PRKG1: variants seen among roughly 807,000 people sequenced by gnomAD.
PRKG1 encodes the protein protein kinase cGMP-dependent 1, also known as cGMP-dependent protein kinase 1.
In PRKG1, 35 loss-of-function variants were observed where a neutral mutation model predicts 88.1. The observed-to-expected ratio is 0.40, with a 90% CI of 0.30 to 0.53. PRKG1 has a LOEUF of 0.53. Among genes scored for constraint, PRKG1 ranks in the 20% least tolerant of loss-of-function variants. The pLI, the probability that PRKG1 is intolerant of heterozygous loss-of-function variation, is 0.59. For missense variants in PRKG1, 540 were observed against 839.8 expected (o/e 0.64, Z 4.41); for synonymous variants, 303 against 292.5 (o/e 1.04, Z -0.37).
chr10:51,151,558 T>C (rs1160021906), intron 1 of PRKG1, among the ~76,000 whole-genome samples: 1 of 101,156 alleles, frequency 9.9e-6, no homozygotes. Context: ...AAAACCTATG[T>C]TTTTGTTTTT....
chr10:51,792,217 A>T (rs1040610759), intron 3 of PRKG1, among the ~76,000 whole-genome samples: 1 of 152,060 alleles, frequency 6.6e-6, no homozygotes, highest in Non-Finnish European at 1.5e-5. Flanking sequence ...TTTTATCTTC[A>T]TAACTCTATT....
chr10:51,799,017 C>T (rs1839093218), intron 3 of PRKG1, among the ~76,000 whole-genome samples: 1 of 152,022 alleles, frequency 6.6e-6, no homozygotes, highest in South Asian at 2.1e-4. Flanking sequence ...TCAAATTCAT[C>T]TACCTCTCTA....
intron 1 of PRKG1, among the ~76,000 whole-genome samples, chr10:51,025,542 C>T (rs1445055066): frequency 6.6e-6 from 1 of 152,180 alleles, no homozygotes; most frequent in Non-Finnish European, 1.5e-5. Context: ...CATTTCTCCT[C>T]CCATTGGCTG....
Position 51,555,317 on chromosome 10 carries a change from T to C in PRKG1, c.592+87481T>C, listed in dbSNP as rs369858948. ...ACAACACATTCCTATTTTTAAAACA[T>C]TTTTTGGCATTTTGTATTTTTTCAT... is the stretch of plus-strand genomic sequence containing the variant. On this transcript the variant is annotated intron_variant, in intron 3 of 17. Transcript: ENST00000373980. Among the ~76,000 whole-genome samples, 14 of 152,058 alleles carry C rather than the reference T, an allele frequency of 9.2e-5. No individual in the cohort carries two copies. The South Asian group carries it at 1.7e-3, about 18-fold the overall frequency.
intron 9 of PRKG1, among the ~76,000 whole-genome samples, chr10:52,245,921 A>G (rs1277110243): frequency 6.6e-6 from 1 of 152,086 alleles, no homozygotes; most frequent in Non-Finnish European, 1.5e-5. Context: ...CCCATCTGGA[A>G]CTATAGTTAT....
chr10:51,053,033 C>CT, intron 1 of PRKG1, among the ~76,000 whole-genome samples: 1 of 152,168 alleles, frequency 6.6e-6, no homozygotes, highest in South Asian at 2.1e-4. Flanking sequence ...ATTTCTAGAC[C>CT]AGCCTGGCCA....
At chr10:51,885,515 G>A (rs971887351) in intron 4 of PRKG1, among the ~76,000 whole-genome samples, 1 of 152,144 alleles carries the variant, frequency 6.6e-6, no homozygotes, top group African/African-American at 2.4e-5. Context: ...CTCTGTTCTA[G>A]CTCCAATCCA....
At chr10:51,006,085 G>A (rs576297228) in intron 1 of PRKG1, among the ~76,000 whole-genome samples, 1 of 152,326 alleles carries the variant, frequency 6.6e-6, no homozygotes, top group South Asian at 2.1e-4. Context: ...CCCCATGTCA[G>A]TGTTAAGCCT....
At chr10:52,053,445 T>C (rs1335838033) in intron 5 of PRKG1, among the ~76,000 whole-genome samples, 1 of 152,164 alleles carries the variant, frequency 6.6e-6, no homozygotes, top group African/African-American at 2.4e-5. Context: ...CAACCATCAG[T>C]CTAATGGATA....
chr10:51,993,019 A>G (rs1844351643), intron 5 of PRKG1, among the ~76,000 whole-genome samples: 2 of 152,194 alleles, frequency 1.3e-5, no homozygotes. Flanking sequence ...AGAGAATCAA[A>G]TTGAAGGCAT....
At chr10:51,094,822 T>C (rs937058853) in intron 1 of PRKG1, among the ~76,000 whole-genome samples, 5 of 152,204 alleles carry the variant, frequency 3.3e-5, no homozygotes, top group African/African-American at 1.2e-4. Context: ...TAAGGGTTTA[T>C]AGACCTTACA....
At position 52,156,696 on chromosome 10, in the gene PRKG1, C is replaced by T. The variant is rs556755907; in HGVS notation, c.1002-5193C>T. Among the ~76,000 whole-genome samples, 199 of 151,754 alleles carry T rather than the reference C, an allele frequency of 1.3e-3. 1 individual carries two copies. Among genetic ancestry groups the T allele is most frequent in the African/African-American group, 4.7e-3 (193 of 41,480 alleles). On this transcript the variant is annotated intron_variant, in intron 8 of 17. Coordinates refer to ENST00000373980, the MANE Select transcript of PRKG1 (RefSeq NM_006258.4). ...TATAAATAAAATAAACAAAAAATAA[C>T]AAACATAAGAACACTTGAAGCCACA...
chr10:51,830,697 G>A (rs1452285369), intron 4 of PRKG1, among the ~76,000 whole-genome samples: 1 of 151,494 alleles, frequency 6.6e-6, no homozygotes, highest in Non-Finnish European at 1.5e-5. Context: ...GAGTAGCTGG[G>A]ATTACAGGTG....
At chr10:52,109,532 C>T (rs989847665) in intron 7 of PRKG1, among the ~76,000 whole-genome samples, 8 of 151,960 alleles carry the variant, frequency 5.3e-5, no homozygotes, top group African/African-American at 1.2e-4. Flanking sequence ...TTCGGGAGGC[C>T]GAGGTGGGCA....
rs1838426929 is a variant in PRKG1, at chr10:51,421,918, G to GT, written c.479-45801dup. Among the ~76,000 whole-genome samples, 3 of 152,154 alleles carry GT rather than the reference G, an allele frequency of 2.0e-5. No homozygotes were observed. The South Asian group carries it at 6.2e-4, about 31-fold the overall frequency. ...AGTCACTTAACCTCTCTGAATCTTA[G>GT]TTTTCCACATTTGTAAAATCATACA... On this transcript the variant is annotated intron_variant, in intron 2 of 17. Transcript: ENST00000373980.
At chr10:51,582,607 ATC>A (rs1838068594) in intron 3 of PRKG1, among the ~76,000 whole-genome samples, 2 of 152,108 alleles carry the variant, frequency 1.3e-5, no homozygotes, top group Non-Finnish European at 2.9e-5. Flanking sequence ...TTCCAGCTTC[ATC>A]CATGTTCCTG....
chr10:51,248,363 G>A (rs540587595), intron 2 of PRKG1, among the ~76,000 whole-genome samples: 144 of 151,780 alleles, frequency 9.5e-4, no homozygotes, highest in African/African-American at 3.2e-3. Context: ...GGTAATATTT[G>A]GGTTGGAAGA....
At chr10:52,073,180 C>T (rs1246984430) in intron 7 of PRKG1, among the ~76,000 whole-genome samples, 2 of 152,178 alleles carry the variant, frequency 1.3e-5, no homozygotes, top group African/African-American at 4.8e-5. Flanking sequence ...GCCTCTGTAT[C>T]AAAATCTTTC....
intron 2 of PRKG1, among the ~76,000 whole-genome samples, chr10:51,438,391 C>T (rs1296999748): frequency 5.3e-5 from 8 of 151,812 alleles, no homozygotes; most frequent in Non-Finnish European, 1.2e-4. Flanking sequence ...TCCAGATTCT[C>T]ATTGAAGATA....
Sources: allele counts gnomAD v4.1 joint callset (sites outside exome capture counted in the v4.1 genomes callset), GRCh38; gene constraint gnomAD v4.1.1; transcripts MANE v1.5; gene names NCBI Gene and HGNC (gene_info 2026-07-23, HGNC 2026-07-21).